The following TMEM132C variants were observed in gnomAD, a reference collection of about 807,000 sequenced individuals.
TMEM132C encodes transmembrane protein 132C.
A neutral mutation model predicts 61.4 loss-of-function variants in TMEM132C; 29 were observed. That is an observed-to-expected ratio of 0.47 (90% CI 0.35 to 0.64). The LOEUF (loss-of-function observed/expected upper bound fraction) is 0.64. TMEM132C is among the 30% of genes least tolerant of loss of function. The pLI is 0.00. For synonymous variants in TMEM132C, 656 were observed against 633.1 expected, an observed-to-expected ratio of 1.04 and a Z score of -0.54; for missense variants, 1,408 against 1,476.9, an observed-to-expected ratio of 0.95 and a Z score of 0.76.
At chr12:128,429,529 T>C (rs757578990) in intron 2 of TMEM132C, among the ~76,000 whole-genome samples, 2 of 152,120 alleles carry the variant, frequency 1.3e-5, no homozygotes, top group Non-Finnish European at 1.5e-5. Flanking sequence ...TTCCTGACAA[T>C]GCAAGGAGCT....
At chr12:128,343,572 TA>T (rs1873048734) in intron 1 of TMEM132C, among the ~76,000 whole-genome samples, 1 of 152,242 alleles carries the variant, frequency 6.6e-6, no homozygotes, top group Non-Finnish European at 1.5e-5. Context: ...AATATTCCAC[TA>T]AATCATTTTT....
chr12:128,396,132 G>A (rs1874946489), intron 1 of TMEM132C, among the ~76,000 whole-genome samples: 1 of 151,954 alleles, frequency 6.6e-6, no homozygotes, highest in African/African-American at 2.4e-5. Flanking sequence ...GTTCTGTGGG[G>A]GAAAAAACTA....
At chr12:128,622,360 A>AAATATATATATAT (rs1277080166) in intron 4 of TMEM132C, among the ~76,000 whole-genome samples, 1 of 30,128 alleles carries the variant, frequency 3.3e-5, no homozygotes, top group Non-Finnish European at 5.5e-5. Flanking sequence ...AAAAAAAAAA[A>AAATATATATATAT]ATATATATAT....
In TMEM132C at chr12:128,693,984, G is replaced by T; in HGVS notation, c.1605G>T (p.Thr535=). ...CCCTGCAGATCGAGGTCTCTGACAC[G>T]GAGCTCAGCCAGATAAAGGGCTGGA... The part of the protein sequence containing the change: ...RLPLQIEVSD[T]ELSQIKGWRV... Residue 535 remains threonine (T), a synonymous_variant, in exon 6 of 9, where the codon ACG becomes ACT. Transcript: ENST00000435159. 6.4e-7 allele frequency: 1 copy of T among 1,551,748 alleles called. No homozygotes were observed. The highest frequency in any genetic ancestry group is 8.7e-7 in the Non-Finnish European group (1 of 1,147,016).
intron 5 of TMEM132C, among the ~76,000 whole-genome samples, chr12:128,692,958 C>G (rs953206982): frequency 6.6e-6 from 1 of 152,174 alleles, no homozygotes; most frequent in Non-Finnish European, 1.5e-5. Flanking sequence ...GGAAAGGGAA[C>G]ATAGGTTGGT....
chr12:128,434,530 C>T (rs1201171925), intron 2 of TMEM132C, among the ~76,000 whole-genome samples: 5 of 152,006 alleles, frequency 3.3e-5, no homozygotes, highest in African/African-American at 7.2e-5. Context: ...TCAAGTGATC[C>T]GCCTGCCTCG....
intron 4 of TMEM132C, among the ~76,000 whole-genome samples, chr12:128,623,936 G>A (rs1228933395): frequency 6.6e-6 from 1 of 152,138 alleles, no homozygotes; most frequent in Admixed American, 6.6e-5. Context: ...AAATCAGCGG[G>A]AATGACTTAG....
At chr12:128,380,820 T>C (rs571216888) in intron 1 of TMEM132C, among the ~76,000 whole-genome samples, 17 of 152,342 alleles carry the variant, frequency 1.1e-4, no homozygotes, top group African/African-American at 4.1e-4. Flanking sequence ...TATTCATCAA[T>C]GGATTAATGC....
intron 4 of TMEM132C, among the ~76,000 whole-genome samples, chr12:128,654,549 A>G (rs1195035832): frequency 2.0e-5 from 3 of 152,188 alleles, no homozygotes; most frequent in Admixed American, 1.3e-4. Flanking sequence ...TATCATGACT[A>G]TGTATACAAT....
chr12:128,667,813 T>G (rs1408508412), intron 4 of TMEM132C, among the ~76,000 whole-genome samples: 1 of 152,200 alleles, frequency 6.6e-6, no homozygotes, highest in Admixed American at 6.5e-5. Context: ...GAAGGTATTT[T>G]CGTCATCACC....
chr12:128,303,342 A>C (rs148209442), intron 1 of TMEM132C, among the ~76,000 whole-genome samples: 5 of 152,238 alleles, frequency 3.3e-5, no homozygotes, highest in Non-Finnish European at 7.4e-5. Context: ...CTTCCCTTTG[A>C]TCTTTTATGG....
Position 128,415,765 on chromosome 12 carries a change from C to T in TMEM132C, c.974+145C>T, listed in dbSNP as rs1485590107. 6 of 906,496 alleles carry T rather than the reference C, an allele frequency of 6.6e-6. No homozygotes were observed. In the East Asian group the frequency reaches 1.3e-4, roughly 20 times the overall value. 56.2% of individuals were successfully genotyped at this position (906,496 alleles called of 1,614,324 possible). On this transcript the variant is annotated intron_variant, in intron 2 of 8. Coordinates refer to ENST00000435159, the MANE Select transcript of TMEM132C (RefSeq NM_001136103.3). This position sits in a 1 kb window ranked among gnomAD's most constrained non-coding sequence, Gnocchi z 5.8. The stretch of plus-strand genomic sequence containing the variant: ...CATTAACAGGGGAAGGCAAATTATG[C>T]ACCTGCCCACATGCTCTCAACAGCC...
intron 3 of TMEM132C, among the ~76,000 whole-genome samples, chr12:128,605,839 T>G (rs1185100226): frequency 6.6e-6 from 1 of 152,214 alleles, no homozygotes; most frequent in Non-Finnish European, 1.5e-5. Context: ...GAAAGGGTCA[T>G]TGTCAGGTTC....
intron 2 of TMEM132C, among the ~76,000 whole-genome samples, chr12:128,418,706 C>G (rs1868868132): frequency 6.6e-6 from 1 of 152,200 alleles, no homozygotes; most frequent in Non-Finnish European, 1.5e-5. Flanking sequence ...ACATTGTTAA[C>G]CGAACTACAG....
At chr12:128,365,923 G>A (rs975569692) in intron 1 of TMEM132C, among the ~76,000 whole-genome samples, 4 of 152,170 alleles carry the variant, frequency 2.6e-5, no homozygotes, top group Non-Finnish European at 4.4e-5. Flanking sequence ...GGCTTGTCAC[G>A]GGGTGAAAGG....
intron 1 of TMEM132C, among the ~76,000 whole-genome samples, chr12:128,410,225 G>A (rs1447985501): frequency 6.6e-6 from 1 of 152,036 alleles, no homozygotes; most frequent in African/African-American, 2.4e-5. Flanking sequence ...ATAGTGAAAG[G>A]AATTTTCATA....
At chr12:128,679,975 A>G (rs1051282579) in intron 5 of TMEM132C, among the ~76,000 whole-genome samples, 11 of 152,138 alleles carry the variant, frequency 7.2e-5, no homozygotes, top group Admixed American at 2.0e-4. Flanking sequence ...CTGTCCAAGC[A>G]GAAAGAACAG....
At chr12:128,393,618 C>T (rs1050465829) in intron 1 of TMEM132C, among the ~76,000 whole-genome samples, 2 of 152,138 alleles carry the variant, frequency 1.3e-5, no homozygotes, top group African/African-American at 2.4e-5. Context: ...TTGCTAGATG[C>T]TGGGCTGAAG....
chr12:128,591,019 G>A (rs1193350761), intron 3 of TMEM132C, among the ~76,000 whole-genome samples: 1 of 152,198 alleles, frequency 6.6e-6, no homozygotes. Flanking sequence ...CTAGCCTCAA[G>A]TGATCCTCCT....
Sources: gnomAD v4.1 joint callset for allele counts (sites outside exome capture counted in the v4.1 genomes callset) on GRCh38, gnomAD v4.1.1 for gene constraint, Gnocchi (gnomAD v3.1) non-coding constraint, MANE v1.5 for transcripts, NCBI Gene and HGNC (gene_info 2026-07-23, HGNC 2026-07-21) for gene names.